Variants in ULK2 observed in about 807,000 individuals in gnomAD.
The protein encoded by ULK2 is unc-51 like autophagy activating kinase 2, also known as serine/threonine-protein kinase ULK2.
In ULK2, 76 loss-of-function variants were observed where a neutral mutation model predicts 127.5. The ratio of observed to expected loss-of-function variants is 0.60; its 90% CI spans 0.50 to 0.72. The LOEUF is 0.72. ULK2 is among the 30% of genes least tolerant of loss of function. ULK2 has a pLI of 0.00. For missense variants in ULK2, 1,144 were observed against 1,295.9 expected (o/e 0.88, Z 1.80); for synonymous variants, 452 against 461.9 (o/e 0.98, Z 0.28).
At chr17:19,862,294 G>A (rs1003843286) in intron 3 of ULK2, among the ~76,000 whole-genome samples, 2 of 151,398 alleles carry the variant, frequency 1.3e-5, no homozygotes, top group South Asian at 2.1e-4. Flanking sequence ...ACAGAGTTTC[G>A]CCATGTTGGC....
rs2086909814 is a variant in ULK2, at chr17:19,781,101, C to G, written c.2643G>C (p.Arg881=). 6.2e-7 allele frequency: 1 copy of G among 1,613,590 alleles called. No homozygotes were observed. The highest frequency in any genetic ancestry group is 1.3e-5 in the African/African-American group (1 of 75,018). The change falls in exon 24 of 27, where the codon CGG becomes CGC. Residue 881 remains arginine (R), a synonymous_variant. Coordinates refer to ENST00000395544, the MANE Select transcript of ULK2 (RefSeq NM_014683.4). The part of the protein sequence containing the change: ...QISQLSKDWG[R]VEQLVLYMKA... The stretch of plus-strand genomic sequence containing the variant: ...TCATGTACAACACCAGCTGCTCCAC[C>G]CGCCTGCACCCAAAAGACAGTAGCA...
intron 8 of ULK2, 53 bp from the exon 9 acceptor site, chr17:19,841,600 A>G: frequency 7.0e-7 from 1 of 1,418,652 alleles, no homozygotes; most frequent in South Asian, 1.3e-5. Context: ...AAAACTTTCA[A>G]ATCATATGAT....
intron 18 of ULK2, 141 bp downstream of exon 18, chr17:19,797,255 C>T: frequency 3.3e-6 from 3 of 896,612 alleles, no homozygotes; most frequent in Admixed American, 3.4e-5. Flanking sequence ...TGAGGTTGTG[C>T]CACTGCACTC....
At chr17:19,829,548 A>AAGGGG (rs531835867) in intron 10 of ULK2, among the ~76,000 whole-genome samples, 10,101 of 25,304 alleles carry the variant, frequency 0.4, 3,104 homozygotes, top group Middle Eastern at 0.62. Flanking sequence ...GAAAAAAAAA[A>AAGGGG]GGGGGGGGGC....
chr17:19,786,593 A>G (rs2087037353), intron 20 of ULK2, among the ~76,000 whole-genome samples: 1 of 151,982 alleles, frequency 6.6e-6, no homozygotes, highest in Non-Finnish European at 1.5e-5. Flanking sequence ...GCGTGCCTGT[A>G]ATCCCAGCTA....
Position 19,796,280 on chromosome 17 carries a change from G to A in ULK2, c.1812C>T (p.Thr604=). 6.5e-7 allele frequency: 1 copy of A among 1,529,116 alleles called. No homozygotes were observed. Among genetic ancestry groups the A allele is most frequent in the Non-Finnish European group, 8.7e-7 (1 of 1,146,750 alleles). 94.7% of individuals were successfully genotyped at this position (1,529,116 alleles called of 1,614,324 possible). Residue 604 remains threonine (T), a splice_region_variant and synonymous_variant, in exon 19 of 27, where the codon ACC becomes ACT. Transcript: ENST00000395544. The part of the protein sequence containing the change: ...LPTIIGSPTK[T]TAPFKIPKTQ... ...TTTTAGGGATTTTGAAAGGAGCTGT[G>A]GTCTAAAGAGACATATATATATATA...
chr17:19,857,396 C>G (rs533894554), intron 3 of ULK2, among the ~76,000 whole-genome samples: 1 of 151,668 alleles, frequency 6.6e-6, no homozygotes, highest in South Asian at 2.1e-4. Flanking sequence ...TTTAAAATGT[C>G]TTTCCATCCC....
intron 3 of ULK2, among the ~76,000 whole-genome samples, chr17:19,862,115 G>A (rs181092672): frequency 1.0e-4 from 15 of 148,510 alleles, no homozygotes; most frequent in Non-Finnish European, 1.3e-4. Context: ...TTTCCCCCCC[G>A]AGATGGAGTC....
chr17:19,788,535 A>T (rs535554636), intron 20 of ULK2, among the ~76,000 whole-genome samples: 1 of 151,966 alleles, frequency 6.6e-6, no homozygotes, highest in East Asian at 2.0e-4. Context: ...CTGACTGAAG[A>T]GTCCTCGGGC....
chr17:19,814,433 TA>T (rs1465616243), intron 13 of ULK2, among the ~76,000 whole-genome samples: 670 of 23,754 alleles, frequency 0.028, no homozygotes, highest in Middle Eastern at 0.059. Context: ...TATATATATA[TA>T]TATATTTTTT....
At chr17:19,816,989 A>G in intron 12 of ULK2, 69 bp from the exon 13 acceptor site, 1 of 1,450,360 alleles carries the variant, frequency 6.9e-7, no homozygotes, top group Non-Finnish European at 9.2e-7. Context: ...TGACTAGACT[A>G]AGGAATTTTT....
intron 3 of ULK2, among the ~76,000 whole-genome samples, chr17:19,861,402 G>A (rs999611743): frequency 7.9e-5 from 12 of 152,034 alleles, no homozygotes; most frequent in Admixed American, 3.3e-4. Flanking sequence ...AAAATTAGCC[G>A]GGTATGATGG....
Position 19,791,985 on chromosome 17 carries a change from A to T in ULK2, c.2101+3637T>A, listed in dbSNP as rs188963521. ...TTAAACAATATGCTCCTGAATGACC[A>T]GTGGGTCAATGGAGAAAGGAAATTG... On this transcript the variant is annotated intron_variant, in intron 20 of 26. Coordinates refer to ENST00000395544, the MANE Select transcript of ULK2 (RefSeq NM_014683.4). Among the ~76,000 whole-genome samples the T allele has an allele frequency of 7.9e-5, 12 of 152,196 alleles. No homozygotes were observed. The East Asian group carries it at 1.9e-3, about 24-fold the overall frequency.
chr17:19,864,943 GTAT>G (rs1274106602), intron 2 of ULK2, 99 bp from the exon 3 acceptor site: 8 of 427,238 alleles, frequency 1.9e-5, no homozygotes, highest in Non-Finnish European at 2.7e-5. Context: ...TACACTTCTA[GTAT>G]TATACTTATA....
rs138852306 is a variant in ULK2 at position 19,844,488 on chromosome 17, A to G, written c.543+816T>C. 1.6e-3 allele frequency among the ~76,000 whole-genome samples: 241 copies of G among 152,244 alleles called. 1 individual carries two copies. Among genetic ancestry groups the G allele is most frequent in the Middle Eastern group, 3.4e-3 (1 of 294 alleles). On this transcript the variant is annotated intron_variant, in intron 7 of 26. Transcript: ENST00000395544. The stretch of plus-strand genomic sequence containing the variant: ...CTTATTAAGTCAATATCCTTTAATA[A>G]TCAGCCAAAGCACTCTAACCTCAAG...
At chr17:19,822,998 T>C (rs1439139058) in intron 12 of ULK2, among the ~76,000 whole-genome samples, 6 of 151,910 alleles carry the variant, frequency 3.9e-5, no homozygotes, top group Non-Finnish European at 7.4e-5. Flanking sequence ...ATTTTTTTTT[T>C]TTTTTTTAAT....
rs1021576833 is a variant in ULK2, at chr17:19,773,720, C to T, written c.*2629G>A. 5 of 152,202 alleles carry T rather than the reference C, an allele frequency of 3.3e-5. No individual in the cohort carries two copies. The highest frequency in any genetic ancestry group is 2.0e-4 in the Admixed American group (3 of 15,274). The allele number at this position is 152,202 out of a possible 1,614,324, so 9.4% of individuals were successfully genotyped here. ...TTACAGGATGGCTGCACAGAGTACT[C>T]CTGGCAGGCAGAAGGGGGCGTGGGG... On this transcript the variant is annotated 3_prime_UTR_variant, in exon 27 of 27. Transcript: ENST00000395544.
rs920604676 is a variant in ULK2, at chr17:19,867,202, C to T, written c.90+126G>A. On this transcript the variant is annotated intron_variant, in intron 1 of 26. Transcript: ENST00000395544. ...AAAACAAACGGCGAGACGGGCTGCG[C>T]GCACAATAGCATACCCGGGCGGCTA... 5 of 673,632 alleles carry T rather than the reference C, an allele frequency of 7.4e-6. No homozygotes were observed. The African/African-American group carries it at 7.8e-5, about 10-fold the overall frequency. 41.7% of individuals were successfully genotyped at this position (673,632 alleles called of 1,614,324 possible).
chr17:19,821,848 G>C (rs1417631381), intron 12 of ULK2, among the ~76,000 whole-genome samples: 1 of 152,084 alleles, frequency 6.6e-6, no homozygotes, highest in African/African-American at 2.4e-5. Context: ...CAAGCACCCA[G>C]CTAATTTTTA....
Sources: allele counts gnomAD v4.1 joint callset (sites outside exome capture counted in the v4.1 genomes callset), GRCh38; gene constraint gnomAD v4.1.1; transcripts MANE v1.5; gene names NCBI Gene and HGNC (gene_info 2026-07-23, HGNC 2026-07-21).